Variants in HAPLN2 observed in about 807,000 individuals in gnomAD.
The protein encoded by HAPLN2 is brain link protein-1.
A neutral mutation model predicts 29.3 loss-of-function variants in HAPLN2; 27 were observed. That is an observed-to-expected ratio of 0.92 (90% CI 0.68 to 1.27). HAPLN2 has a LOEUF of 1.27. Ranked by LOEUF, HAPLN2 falls within the 50% of genes most tolerant of loss-of-function variation. The pLI, the probability that HAPLN2 is intolerant of heterozygous loss-of-function variation, is 0.00. For missense variants in HAPLN2, 454 were observed against 484.3 expected, an observed-to-expected ratio of 0.94 and a Z score of 0.59; for synonymous variants, 208 against 211.7, an observed-to-expected ratio of 0.98 and a Z score of 0.15.
upstream of HAPLN2, chr1:156,619,223 C>G (rs530591109): frequency 5.1e-5 from 7 of 135,972 alleles, no homozygotes; most frequent in East Asian, 5.3e-4. Flanking sequence ...GCCCGCCCCC[C>G]ACCCAGGCCC....
the HAPLN2 span, among the ~76,000 whole-genome samples, chr1:156,608,663 C>T: frequency 6.6e-6 from 1 of 152,102 alleles, no homozygotes; most frequent in South Asian, 2.1e-4. Context: ...CTGCCTCAGC[C>T]TCCCGAGCAG....
At chr1:156,611,287 A>G in the HAPLN2 span, among the ~76,000 whole-genome samples, 1 of 147,222 alleles carries the variant, frequency 6.8e-6, no homozygotes, top group Non-Finnish European at 1.5e-5. Context: ...AAAAAAGGCC[A>G]GGGGCAGTGG....
At chr1:156,605,309 A>AGGCCGGGCATGGT in the HAPLN2 span, among the ~76,000 whole-genome samples, 2 of 151,108 alleles carry the variant, frequency 1.3e-5, no homozygotes, top group Non-Finnish European at 3.0e-5. Context: ...ATAGAAATGT[A>AGGCCGGGCATGGT]GGCCGGGCAT....
the HAPLN2 span, among the ~76,000 whole-genome samples, chr1:156,609,822 C>T: frequency 1.3e-5 from 2 of 152,140 alleles, no homozygotes; most frequent in Non-Finnish European, 2.9e-5. Context: ...ACGCTTACTA[C>T]CTGGGTGACA....
chr1:156,625,485 C>T lies in HAPLN2; in HGVS notation c.*101C>T, dbSNP rs949391094. On this transcript the variant is annotated 3_prime_UTR_variant, in exon 7 of 7. Coordinates refer to ENST00000255039, the MANE Select transcript of HAPLN2 (RefSeq NM_021817.3). This position sits in a 1 kb window ranked among gnomAD's most constrained non-coding sequence, Gnocchi z 5.7. ...GGAGAGCCTCCCCTCCCTCCAGACC[C>T]GGAGCGGCCTCTCCAGACCTGCCTT... is the stretch of plus-strand genomic sequence containing the variant. The T allele has an allele frequency of 5.6e-6, 7 of 1,256,928 alleles. No individual in the cohort carries two copies. Among genetic ancestry groups the T allele is most frequent in the South Asian group, 1.7e-5 (1 of 60,152 alleles). The allele number at this position is 1,256,928 out of a possible 1,614,324, so 77.9% of individuals were successfully genotyped here.
chr1:156,625,522 G>A lies in HAPLN2; in HGVS notation c.*138G>A. 7.8e-6 allele frequency: 7 copies of A among 903,186 alleles called. No individual in the cohort carries two copies. The South Asian group carries it at 1.3e-4, about 17-fold the overall frequency. The allele number at this position is 903,186 out of a possible 1,614,324, so 55.9% of individuals were successfully genotyped here. A position where few individuals can be genotyped will look rare whatever the true frequency, so the allele number is the denominator to read the frequency against. On this transcript the variant is annotated 3_prime_UTR_variant, in exon 7 of 7. Transcript: ENST00000255039. This position sits in a 1 kb window ranked among gnomAD's most constrained non-coding sequence, Gnocchi z 5.7. ...TCCAGACCTGCCTTCCCAGCCGGGG[G>A]CTGCGGGCCTCGGACCCCGGCTGGC...
At chr1:156,618,343 G>T (rs1349022147), upstream of HAPLN2, among the ~76,000 whole-genome samples, 1 of 150,762 alleles carries the variant, frequency 6.6e-6, no homozygotes, top group Non-Finnish European at 1.5e-5. Context: ...AGACGGGTGT[G>T]GTGGTGCGCG....
intron 6 of HAPLN2, 112 bp from the exon 7 acceptor site, chr1:156,624,989 C>G (rs1678400167): frequency 7.7e-7 from 1 of 1,300,208 alleles, no homozygotes; most frequent in Non-Finnish European, 1.0e-6. Flanking sequence ...CTCCTCTTAC[C>G]CAAGCTCGAT....
At chr1:156,622,847 C>T (rs1678280885) in intron 2 of HAPLN2, among the ~76,000 whole-genome samples, 1 of 151,542 alleles carries the variant, frequency 6.6e-6, no homozygotes, top group South Asian at 2.1e-4. Context: ...GTCAACACAG[C>T]ATGACCTTGT....
chr1:156,611,266 T>TA, the HAPLN2 span, among the ~76,000 whole-genome samples: 31 of 138,446 alleles, frequency 2.2e-4, no homozygotes, highest in African/African-American at 8.2e-4. Context: ...AGTGAGACCC[T>TA]AAAAAAAAAA....
Position 156,624,060 on chromosome 1 carries a change from G to T in HAPLN2, c.339G>T (p.Leu113=). 2 of 1,613,470 alleles carry T rather than the reference G, an allele frequency of 1.2e-6. No individual in the cohort carries two copies. The highest frequency in any genetic ancestry group is 1.1e-5 in the South Asian group (1 of 91,038). The part of the protein sequence containing the change: ...MRRGHRLDAS[L]VIAGVRLEDE... ...GGGGGCATCGACTAGACGCCTCCCT[G>T]GTCATCGCGGGCGTGCGCCTGGAGG... The change falls in exon 4 of 7, where the codon CTG becomes CTT. Residue 113 remains leucine, a synonymous_variant. Coordinates refer to ENST00000255039, the MANE Select transcript of HAPLN2 (RefSeq NM_021817.3).
At position 156,625,202 on chromosome 1, in the gene HAPLN2, G is replaced by T. The variant is rs1366472971; in HGVS notation, c.841G>T (p.Ala281Ser). The change falls in exon 7 of 7, where the codon GCC (alanine) becomes TCC (serine). Residue 281 changes from alanine (A) to serine (S), a missense_variant. This residue lies in a region of HAPLN2 where 235 missense variants were observed against 236.9 expected (regional missense o/e 0.99). Coordinates refer to ENST00000255039, the MANE Select transcript of HAPLN2 (RefSeq NM_021817.3). The surrounding 1 kb of genome is among the most constrained non-coding windows in gnomAD (Gnocchi z 5.7). The stretch of plus-strand genomic sequence containing the variant: ...GGCCAAGGTTGGGCACCTCTACGCC[G>T]CCTGGAAGTTTTCGGGGCTAGACCA... ...VVAKVGHLYA[A>S]WKFSGLDQCD... is the part of the protein sequence containing the mutation. The T allele has an allele frequency of 1.3e-6, 2 of 1,556,604 alleles. No homozygotes were observed. Among genetic ancestry groups the T allele is most frequent in the Non-Finnish European group, 1.7e-6 (2 of 1,151,704 alleles).
At chr1:156,616,199 T>G (rs1320208859), upstream of HAPLN2, among the ~76,000 whole-genome samples, 1 of 152,084 alleles carries the variant, frequency 6.6e-6, no homozygotes, top group Non-Finnish European at 1.5e-5. Context: ...TCCACCACAC[T>G]CTGGTCAGTA....
At chr1:156,616,454 C>A (rs891928415), upstream of HAPLN2, among the ~76,000 whole-genome samples, 1 of 152,348 alleles carries the variant, frequency 6.6e-6, no homozygotes, top group Admixed American at 6.5e-5. Context: ...TCCTCCCCAT[C>A]AAACTCAGCC....
At chr1:156,624,901 C>T (rs543993549) in intron 6 of HAPLN2, 118 bp downstream of exon 6, 4 of 1,210,946 alleles carry the variant, frequency 3.3e-6, no homozygotes, top group East Asian at 2.6e-5. Context: ...GGCACCGCCC[C>T]CCCATCAGCC....
chr1:156,616,655 C>T (rs1238136835), upstream of HAPLN2, among the ~76,000 whole-genome samples: 1 of 152,174 alleles, frequency 6.6e-6, no homozygotes, highest in Non-Finnish European at 1.5e-5. Context: ...ATCAGATGCA[C>T]TGGATCAGGG....
the HAPLN2 span, among the ~76,000 whole-genome samples, chr1:156,608,585 C>G: frequency 6.6e-6 from 1 of 151,994 alleles, no homozygotes; most frequent in African/African-American, 2.4e-5. Context: ...CTCTGTCACC[C>G]AGGCTGGAGT....
In HAPLN2 at chr1:156,624,376, C is replaced by T. The variant is rs1678368337; in HGVS notation, c.465C>T (p.Ser155=). The T allele has an allele frequency of 5.0e-6, 8 of 1,606,638 alleles. No homozygotes were observed. Among genetic ancestry groups the T allele is most frequent in the Non-Finnish European group, 6.8e-6 (8 of 1,176,788 alleles). The change falls in exon 5 of 7, where the codon AGC becomes AGT. Residue 155 remains serine (S), a synonymous_variant. Coordinates refer to ENST00000255039, the MANE Select transcript of HAPLN2 (RefSeq NM_021817.3). ...GTGTGGTGTTTCCGTACCAACCCAG[C>T]CGGGGCCGGTACCAGTTCAATTACT... ...LEGVVFPYQP[S]RGRYQFNYYE... is the part of the protein sequence containing the mutation.
the HAPLN2 span, among the ~76,000 whole-genome samples, chr1:156,611,786 G>A: frequency 6.6e-6 from 1 of 152,178 alleles, no homozygotes; most frequent in Non-Finnish European, 1.5e-5. Context: ...TATCAATGCT[G>A]TAGTTATCTA....
Sources: allele counts gnomAD v4.1 joint callset (sites outside exome capture counted in the v4.1 genomes callset), GRCh38; gene constraint gnomAD v4.1.1; regional missense constraint gnomAD v4.1.1; non-coding constraint Gnocchi (gnomAD v3.1); transcripts MANE v1.5; gene names NCBI Gene and HGNC (gene_info 2026-07-23, HGNC 2026-07-21).